The following CALCR variants were observed in gnomAD, a reference collection of about 807,000 sequenced individuals.
The protein encoded by CALCR is calcitonin receptor.
CALCR carries 47 observed loss-of-function variants against 59.5 expected under a neutral mutation model. That is an observed-to-expected ratio of 0.79 (90% CI 0.63 to 1.01). The LOEUF is 1.01. Ranked by LOEUF, CALCR falls within the 50% of genes least tolerant of loss-of-function variation. The probability of loss-of-function intolerance (pLI) is 0.00; values close to 1 mark genes in which losing one functional copy is unlikely to be tolerated. For missense variants in CALCR, 566 were observed against 597.1 expected, an observed-to-expected ratio of 0.95 and a Z score of 0.54; for synonymous variants, 213 against 211.3, an observed-to-expected ratio of 1.01 and a Z score of -0.07.
intron 2 of CALCR, among the ~76,000 whole-genome samples, chr7:93,489,448 A>G (rs943856539): frequency 1.3e-5 from 2 of 151,568 alleles, no homozygotes; most frequent in Admixed American, 1.3e-4. Flanking sequence ...AACCCAAAAA[A>G]CCCTCCAAAA....
chr7:93,502,080 C>T (rs75252614), intron 2 of CALCR, among the ~76,000 whole-genome samples: 2 of 151,998 alleles, frequency 1.3e-5, no homozygotes, highest in African/African-American at 2.4e-5. Flanking sequence ...ATATGGTAGT[C>T]TTTGGCCAAA....
At chr7:93,550,640 C>CACACACACACACACAT (rs546932316) in intron 2 of CALCR, among the ~76,000 whole-genome samples, 7 of 146,758 alleles carry the variant, frequency 4.8e-5, no homozygotes, top group Admixed American at 2.8e-4. Context: ...CACACACACA[C>CACACACACACACACAT]GAGAGACAGA....
At chr7:93,514,066 C>G (rs1801604133) in intron 2 of CALCR, among the ~76,000 whole-genome samples, 1 of 151,934 alleles carries the variant, frequency 6.6e-6, no homozygotes, top group Non-Finnish European at 1.5e-5. Context: ...TTGCTTATCA[C>G]AATTTCATTC....
At chr7:93,495,819 C>G (rs1801188664) in intron 2 of CALCR, 3 of 1,177,310 alleles carry the variant, frequency 2.5e-6, no homozygotes, top group Admixed American at 4.2e-5. Context: ...TTAGAACATG[C>G]AAATGAAGAA....
chr7:93,540,154 G>C (rs1411197462), intron 2 of CALCR, among the ~76,000 whole-genome samples: 1 of 152,162 alleles, frequency 6.6e-6, no homozygotes, highest in Non-Finnish European at 1.5e-5. Flanking sequence ...CAAAAACTCC[G>C]ATTAATTCAG....
At chr7:93,486,563 A>C (rs553725763) in intron 3 of CALCR, among the ~76,000 whole-genome samples, 1 of 151,664 alleles carries the variant, frequency 6.6e-6, no homozygotes, top group African/African-American at 2.4e-5. Context: ...ACTATCATTC[A>C]AATCATAGTT....
intron 2 of CALCR, among the ~76,000 whole-genome samples, chr7:93,546,907 T>A (rs182923031): frequency 6.3e-4 from 96 of 152,222 alleles, no homozygotes; most frequent in Non-Finnish European, 1.0e-3. Flanking sequence ...AGAAACTGGA[T>A]GCAGACTTGG....
At chr7:93,434,562 T>A (rs1799734512) in intron 12 of CALCR, among the ~76,000 whole-genome samples, 1 of 151,938 alleles carries the variant, frequency 6.6e-6, no homozygotes, top group Admixed American at 6.6e-5. Flanking sequence ...ACATGGAGAT[T>A]TATAGCAGCA....
chr7:93,450,887 G>A (rs1156368326), intron 8 of CALCR, among the ~76,000 whole-genome samples: 1 of 151,794 alleles, frequency 6.6e-6, no homozygotes. Context: ...ATAATCATAT[G>A]GGAAAATTTA....
Position 93,570,075 on chromosome 7 carries a change from T to C in CALCR, c.-27+4214A>G, listed in dbSNP as rs369482818. 1.9e-3 allele frequency among the ~76,000 whole-genome samples: 291 copies of C among 152,260 alleles called. 14 individuals carry two copies. In the South Asian group the frequency reaches 0.058, roughly 31 times the overall value. On this transcript the variant is annotated intron_variant, in intron 2 of 13. Coordinates refer to ENST00000426151, the MANE Select transcript of CALCR (RefSeq NM_001742.4). ...CAGGAGTCAATTTTTCTGGTGTAAC[T>C]ACAGCTTCAGAACTAAAATTAAGGA...
At chr7:93,573,300 T>C (rs6965274) in intron 2 of CALCR, among the ~76,000 whole-genome samples, 135,270 of 152,246 alleles carry the variant, frequency 0.89, 60,418 homozygotes, top group African/African-American at 0.95. Flanking sequence ...AAGACAGACT[T>C]AAACTCGGAC....
At chr7:93,493,890 G>C (rs796650278) in intron 2 of CALCR, among the ~76,000 whole-genome samples, 7 of 151,402 alleles carry the variant, frequency 4.6e-5, no homozygotes, top group African/African-American at 1.4e-4. Flanking sequence ...CTTATTTCCT[G>C]GTGTGAAAGT....
chr7:93,486,166 A>C (rs956466435), intron 3 of CALCR, among the ~76,000 whole-genome samples: 2 of 151,480 alleles, frequency 1.3e-5, no homozygotes, highest in Non-Finnish European at 3.0e-5. Flanking sequence ...CTGATGTGAC[A>C]GAAAGGATAA....
intron 2 of CALCR, among the ~76,000 whole-genome samples, chr7:93,500,327 G>C (rs1198062551): frequency 3.3e-5 from 5 of 151,850 alleles, no homozygotes; most frequent in Non-Finnish European, 5.9e-5. Flanking sequence ...TTAACATTCT[G>C]TTTGGTTCTG....
intron 7 of CALCR, among the ~76,000 whole-genome samples, chr7:93,463,160 G>A (rs928104739): frequency 4.0e-5 from 6 of 151,542 alleles, no homozygotes; most frequent in South Asian, 2.1e-4. Flanking sequence ...CTTCAGTTTC[G>A]TATTAACTAG....
At chr7:93,481,783 T>A (rs1273021518) in intron 3 of CALCR, among the ~76,000 whole-genome samples, 2 of 151,936 alleles carry the variant, frequency 1.3e-5, no homozygotes, top group African/African-American at 4.8e-5. Context: ...CTTGAATTTA[T>A]GTCAGAAGAG....
intron 2 of CALCR, among the ~76,000 whole-genome samples, chr7:93,488,582 GAAAAAA>G (rs1554401502): frequency 1.3e-5 from 1 of 78,040 alleles, no homozygotes; most frequent in Non-Finnish European, 2.4e-5. Flanking sequence ...CAAATGGAAA[GAAAAAA>G]AAAAAAAAAA....
intron 2 of CALCR, among the ~76,000 whole-genome samples, chr7:93,511,279 G>A (rs955235567): frequency 2.0e-5 from 3 of 152,004 alleles, no homozygotes; most frequent in Non-Finnish European, 2.9e-5. Context: ...GAATTCACAC[G>A]TACTGCTAAA....
intron 2 of CALCR, among the ~76,000 whole-genome samples, chr7:93,529,313 C>T (rs1012938588): frequency 1.3e-5 from 2 of 152,054 alleles, no homozygotes; most frequent in African/African-American, 4.8e-5. Flanking sequence ...CTGCTCCCAC[C>T]GTGTAAGATA....
Sources: allele counts gnomAD v4.1 joint callset (sites outside exome capture counted in the v4.1 genomes callset), GRCh38; gene constraint gnomAD v4.1.1; transcripts MANE v1.5; gene names NCBI Gene and HGNC (gene_info 2026-07-23, HGNC 2026-07-21).